The following ATP8B3 variants were observed in gnomAD, a reference collection of about 807,000 sequenced individuals.
ATP8B3 encodes phospholipid-transporting ATPase IK.
In ATP8B3, 141 loss-of-function variants were observed where a neutral mutation model predicts 140.9. The observed-to-expected ratio is 1.00, with a 90% confidence interval of 0.87 to 1.15. The LOEUF (loss-of-function observed/expected upper bound fraction) is 1.15, where lower values mean the gene tolerates loss of function less well. Ranked by LOEUF, ATP8B3 falls within the 50% of genes most tolerant of loss-of-function variation. ATP8B3 has a pLI of 0.00. For missense variants in ATP8B3, 1,874 were observed against 1,740.6 expected (o/e 1.08, Z -1.36); for synonymous variants, 765 against 714.6 (o/e 1.07, Z -1.13).
At chr19:1,790,604 T>A (rs1022402229) in intron 21 of ATP8B3, among the ~76,000 whole-genome samples, 153 bp downstream of exon 21, 3 of 70,330 alleles carry the variant, frequency 4.3e-5, no homozygotes. Context: ...CACTCCCCAT[T>A]ACCACACTCC....
Position 1,807,773 on chromosome 19 carries a change from C to T in ATP8B3, c.516+449G>A, listed in dbSNP as rs192811875. The stretch of plus-strand genomic sequence containing the variant: ...GAGAGTGTTTGCTCTGAAAACAGCG[C>T]CCCTGGCCGGATGCCGGCCCCACGC... On this transcript the variant is annotated intron_variant, in intron 5 of 28. Transcript: ENST00000310127. The surrounding 1 kb of genome is among the most constrained non-coding windows in gnomAD (Gnocchi z 5.9). 2.3e-3 allele frequency among the ~76,000 whole-genome samples: 354 copies of T among 152,400 alleles called. 5 individuals carry two copies. The highest frequency in any genetic ancestry group is 8.3e-3 in the African/African-American group (344 of 41,602).
rs542017990 is a variant in ATP8B3 at position 1,799,720 on chromosome 19, C to T, written c.1552+227G>A. On this transcript the variant is annotated intron_variant, in intron 14 of 28. Transcript: ENST00000310127. Reference sequence around the variant, plus strand: ...TGGAGATTGCAGTGAGCCAAGATTGCACCACTGCATTCCTGCCTGGGTAGA... The same window carrying T: ...TGGAGATTGCAGTGAGCCAAGATTGTACCACTGCATTCCTGCCTGGGTAGA... 184 of 595,970 alleles carry T rather than the reference C, an allele frequency of 3.1e-4. 3 individuals carry two copies. Among genetic ancestry groups the T allele is most frequent in the South Asian group, 2.4e-3 (120 of 49,964 alleles). 36.9% of individuals were successfully genotyped at this position (595,970 alleles called of 1,614,324 possible).
chr19:1,811,925 G>A, intron 1 of ATP8B3, 41 bp from the exon 2 acceptor site: 1 of 652,252 alleles, frequency 1.5e-6, no homozygotes, highest in Non-Finnish European at 2.5e-6. Context: ...CTGGCTTCCT[G>A]CCCCCTCACT....
Position 1,792,142 on chromosome 19 carries a change from G to A in ATP8B3, c.2056-7C>T. On this transcript the variant is annotated splice_region_variant and splice_polypyrimidine_tract_variant and intron_variant, in intron 18 of 28. Transcript: ENST00000310127. ...GGGTCTCCTGGGCAAAGGCCTGGGG[G>A]CCGGGCAGGTGGAAGCTGTCACCAT... is the stretch of plus-strand genomic sequence containing the variant. 6.4e-7 allele frequency: 1 copy of A among 1,567,668 alleles called. No individual in the cohort carries two copies. The highest frequency in any genetic ancestry group is 1.2e-5 in the South Asian group (1 of 86,470).
intron 3 of ATP8B3, 52 bp downstream of exon 3, chr19:1,810,570 G>C (rs1600490553): frequency 1.3e-6 from 2 of 1,573,012 alleles, no homozygotes; most frequent in Non-Finnish European, 1.7e-6. Context: ...GGCCAGCCCT[G>C]AACTTCATAA....
chr19:1,789,723 T>G lies in ATP8B3; in HGVS notation c.2483A>C (p.Lys828Thr). The G allele has an allele frequency of 6.4e-7, 1 of 1,566,734 alleles. No homozygotes were observed. The highest frequency in any genetic ancestry group is 8.6e-7 in the Non-Finnish European group (1 of 1,160,636). The part of the protein sequence containing the change: ...ALVINGDFLD[K>T]LLVSLRKEPR... ...CTCCTTCCGCAGGGACACCAGCAGT[T>G]TGTCCTGGCCGGCGGGGAGGGGGCT... Residue 828 changes from lysine (K) to threonine (T), a missense_variant, in exon 23 of 29, where the codon AAA becomes ACA. Physicochemically the swap from Lys to Thr is moderately conservative, Grantham distance 78. Transcript: ENST00000310127.
chr19:1,791,957 C>T lies in ATP8B3; in HGVS notation c.2190+44G>A, dbSNP rs752049662. ...GTCCCAGGGCCCCCTTGGGTGCCCC[C>T]GCTGCCCACCCACCCTGAGGTCCTG... is the stretch of plus-strand genomic sequence containing the variant. On this transcript the variant is annotated intron_variant, in intron 19 of 28. Transcript: ENST00000310127. 1.3e-5 allele frequency: 20 copies of T among 1,560,064 alleles called. No individual in the cohort carries two copies. In the East Asian group the frequency reaches 4.3e-4, roughly 33 times the overall value.
rs928623169 is a variant in ATP8B3 at position 1,789,745 on chromosome 19, G to T, written c.2479-18C>A. 21 of 1,543,166 alleles carry T rather than the reference G, an allele frequency of 1.4e-5. No individual in the cohort carries two copies. The East Asian group carries it at 2.9e-4, about 22-fold the overall frequency. On this transcript the variant is annotated intron_variant, in intron 22 of 28. Coordinates refer to ENST00000310127, the MANE Select transcript of ATP8B3 (RefSeq NM_138813.4). ...AGTTTGTCCTGGCCGGCGGGGAGGG[G>T]GCTGTGCCAGGCGCCGTGGCCTCCA...
intron 4 of ATP8B3, 87 bp from the exon 5 acceptor site, chr19:1,808,422 G>A (rs1317095857): frequency 1.1e-6 from 1 of 933,110 alleles, no homozygotes; most frequent in East Asian, 2.7e-5. Flanking sequence ...TGCCTCACTT[G>A]GCCTCGCCCA....
intron 25 of ATP8B3, among the ~76,000 whole-genome samples, chr19:1,785,956 C>T (rs530796189): frequency 6.6e-6 from 1 of 150,406 alleles, no homozygotes; most frequent in Admixed American, 6.6e-5. Context: ...CATAGTGAAA[C>T]CCCCCATCTC....
rs755783814 is a variant in ATP8B3, at chr19:1,796,233, C to T, written c.1786G>A (p.Glu596Lys). 5.6e-6 allele frequency: 9 copies of T among 1,612,224 alleles called. No individual in the cohort carries two copies. The highest frequency in any genetic ancestry group is 5.0e-5 in the Admixed American group (3 of 59,962). ...QLLYQAASPD[E>K]GALVTAARNF... ...CGGGCTGCGGTGACCAGCGCCCCCTCGTCGGGGGAGGCCGCCTGGTACAAC... is the reference window on the plus strand; with the variant it reads ...CGGGCTGCGGTGACCAGCGCCCCCTTGTCGGGGGAGGCCGCCTGGTACAAC... Residue 596 changes from glutamate to lysine, a missense_variant, in exon 17 of 29, where the codon GAG becomes AAG. By Grantham distance (56) the Glu-to-Lys change is moderately conservative. Coordinates refer to ENST00000310127, the MANE Select transcript of ATP8B3 (RefSeq NM_138813.4).
In ATP8B3 at chr19:1,805,973, G is replaced by C; in HGVS notation, c.751-15C>G. ...AGCATGTCGGCCTGGTGTGGAGTGGGGGGCAGCGTTGCAAGAGGGGATGCA... is the reference window on the plus strand; with the variant it reads ...AGCATGTCGGCCTGGTGTGGAGTGGCGGGCAGCGTTGCAAGAGGGGATGCA... On this transcript the variant is annotated splice_polypyrimidine_tract_variant and intron_variant, in intron 8 of 28. Coordinates refer to ENST00000310127, the MANE Select transcript of ATP8B3 (RefSeq NM_138813.4). This position sits in a 1 kb window ranked among gnomAD's most constrained non-coding sequence, Gnocchi z 5.2. The C allele has an allele frequency of 6.2e-7, 1 of 1,611,682 alleles. No homozygotes were observed. The highest frequency in any genetic ancestry group is 8.5e-7 in the Non-Finnish European group (1 of 1,179,072).
In ATP8B3 at chr19:1,795,863, G is replaced by A. The variant is rs369269629; in HGVS notation, c.2055+12C>T. On this transcript the variant is annotated intron_variant, in intron 18 of 28. Coordinates refer to ENST00000310127, the MANE Select transcript of ATP8B3 (RefSeq NM_138813.4). ...CACACACACATAAGCCAGCCTTCCT[G>A]AAGGGACTCACAGCCAAGGCCTCCT... is the stretch of plus-strand genomic sequence containing the variant. 7 of 1,577,018 alleles carry A rather than the reference G, an allele frequency of 4.4e-6. No individual in the cohort carries two copies. The highest frequency in any genetic ancestry group is 2.3e-5 in the East Asian group (1 of 43,448).
intron 18 of ATP8B3, among the ~76,000 whole-genome samples, chr19:1,795,066 G>A (rs1486471373): frequency 1.3e-5 from 2 of 152,136 alleles, no homozygotes; most frequent in African/African-American, 4.8e-5. Flanking sequence ...AGACCAGCCT[G>A]GCAACATGGT....
In ATP8B3 at chr19:1,806,797, T is replaced by C; in HGVS notation, c.616-108A>G. On this transcript the variant is annotated intron_variant, in intron 6 of 28. Transcript: ENST00000310127. This position sits in a 1 kb window ranked among gnomAD's most constrained non-coding sequence, Gnocchi z 5.6. ...GTGCCCGCCCGCAACACGGGGTCCC[T>C]GTCCGCTGGCCCCACGCCACGTTGC... 1 of 1,251,026 alleles carries C rather than the reference T, an allele frequency of 8.0e-7. No homozygotes were observed. The highest frequency in any genetic ancestry group is 1.1e-6 in the Non-Finnish European group (1 of 882,462). 77.5% of individuals were successfully genotyped at this position (1,251,026 alleles called of 1,614,324 possible). A position where few individuals can be genotyped will look rare whatever the true frequency, so the allele number is the denominator to read the frequency against.
Position 1,806,385 on chromosome 19 carries a change from C to T in ATP8B3, c.678-216G>A. On this transcript the variant is annotated intron_variant, in intron 7 of 28. Transcript: ENST00000310127. The surrounding 1 kb of genome is among the most constrained non-coding windows in gnomAD (Gnocchi z 5.6). Reference sequence around the variant, plus strand: ...CAGGGTCCTGCACCCACGTCCTCTTCAGACTTTCCTTGTCCTCCCCATCGC... The same window carrying T: ...CAGGGTCCTGCACCCACGTCCTCTTTAGACTTTCCTTGTCCTCCCCATCGC... 6.9e-7 allele frequency: 1 copy of T among 1,444,084 alleles called. No individual in the cohort carries two copies. Among genetic ancestry groups the T allele is most frequent in the Non-Finnish European group, 9.0e-7 (1 of 1,105,410 alleles). 89.5% of individuals were successfully genotyped at this position (1,444,084 alleles called of 1,614,324 possible). A position where few individuals can be genotyped will look rare whatever the true frequency, so the allele number is the denominator to read the frequency against.
At position 1,782,940 on chromosome 19, in the gene ATP8B3, G is replaced by T. The variant is rs2068198480; in HGVS notation, c.*88C>A. On this transcript the variant is annotated 3_prime_UTR_variant, in exon 29 of 29. Coordinates refer to ENST00000310127, the MANE Select transcript of ATP8B3 (RefSeq NM_138813.4). The stretch of plus-strand genomic sequence containing the variant: ...CTATCCATAGAAAATGATGAGCTAG[G>T]TGTAGGGGGGAGCTGTACTTCCTGG... 13 of 1,481,168 alleles carry T rather than the reference G, an allele frequency of 8.8e-6. No individual in the cohort carries two copies. The highest frequency in any genetic ancestry group is 9.1e-6 in the Non-Finnish European group (10 of 1,095,798). The allele number at this position is 1,481,168 out of a possible 1,614,324, so 91.8% of individuals were successfully genotyped here. A position where few individuals can be genotyped will look rare whatever the true frequency, so the allele number is the denominator to read the frequency against.
intron 25 of ATP8B3, 97 bp from the exon 26 acceptor site, chr19:1,785,805 T>G: frequency 1.5e-6 from 2 of 1,308,572 alleles, no homozygotes; most frequent in Non-Finnish European, 1.0e-6. Flanking sequence ...GTGGCCACTC[T>G]CTGTGTGTGG....
intron 10 of ATP8B3, among the ~76,000 whole-genome samples, chr19:1,803,942 G>T (rs944665604): frequency 2.6e-5 from 4 of 151,082 alleles, no homozygotes. Context: ...CAAGTTCTGG[G>T]ACTGTCAGGG....
Sources: allele counts gnomAD v4.1 joint callset (sites outside exome capture counted in the v4.1 genomes callset), GRCh38; gene constraint gnomAD v4.1.1; non-coding constraint Gnocchi (gnomAD v3.1); transcripts MANE v1.5; gene names NCBI Gene and HGNC (gene_info 2026-07-23, HGNC 2026-07-21).